DSCAM: variants seen among roughly 807,000 people sequenced by gnomAD.
The protein encoded by DSCAM is cell adhesion molecule DSCAM.
In DSCAM, 47 loss-of-function variants were observed where a neutral mutation model predicts 217.7. That is an observed-to-expected ratio of 0.22 (90% CI 0.17 to 0.28). The LOEUF (loss-of-function observed/expected upper bound fraction) is 0.28, where lower values mean the gene tolerates loss of function less well. Ranked by LOEUF, DSCAM falls within the 10% of genes least tolerant of loss-of-function variation. DSCAM has a pLI of 1.00. For synonymous variants in DSCAM, 1,056 were observed against 1,015.3 expected (o/e 1.04, Z -0.76); for missense variants, 2,080 against 2,618.3 (o/e 0.79, Z 4.49).
intron 1 of DSCAM, among the ~76,000 whole-genome samples, chr21:40,807,306 A>T (rs2091797062): frequency 6.6e-6 from 1 of 152,232 alleles, no homozygotes; most frequent in Non-Finnish European, 1.5e-5. Flanking sequence ...GGATCCACAC[A>T]TGGCTTCTCA....
chr21:40,803,051 T>A (rs948993523), intron 1 of DSCAM, among the ~76,000 whole-genome samples: 3 of 152,224 alleles, frequency 2.0e-5, no homozygotes, highest in African/African-American at 4.8e-5. Flanking sequence ...AAATCTGTTA[T>A]TCTCTTTGGA....
intron 32 of DSCAM, among the ~76,000 whole-genome samples, chr21:40,021,485 C>G (rs925256327): frequency 1.3e-5 from 2 of 152,286 alleles, no homozygotes; most frequent in Middle Eastern, 6.8e-3. Flanking sequence ...ATTTCTCATT[C>G]TTTTCTCATC....
At chr21:40,543,690 C>A (rs1429006813) in intron 3 of DSCAM, among the ~76,000 whole-genome samples, 1 of 152,072 alleles carries the variant, frequency 6.6e-6, no homozygotes, top group African/African-American at 2.4e-5. Flanking sequence ...AGTCTTCCAC[C>A]TTTACCTCTA....
At chr21:40,329,407 A>C (rs1046422006) in intron 8 of DSCAM, among the ~76,000 whole-genome samples, 1 of 152,128 alleles carries the variant, frequency 6.6e-6, no homozygotes, top group African/African-American at 2.4e-5. Flanking sequence ...CGAGGTCAAG[A>C]GATTGAGACC....
intron 1 of DSCAM, among the ~76,000 whole-genome samples, chr21:40,709,421 G>C (rs750145813): frequency 6.6e-6 from 1 of 152,116 alleles, no homozygotes. Context: ...TACACGTGCC[G>C]TGGTGGTTTG....
intron 1 of DSCAM, among the ~76,000 whole-genome samples, chr21:40,817,245 C>T (rs890327403): frequency 1.3e-4 from 20 of 152,256 alleles, no homozygotes; most frequent in Non-Finnish European, 2.2e-4. Flanking sequence ...CACTCTCCCC[C>T]GTTTGTAGTA....
intron 3 of DSCAM, among the ~76,000 whole-genome samples, chr21:40,565,361 G>A (rs879224583): frequency 6.6e-6 from 1 of 152,154 alleles, no homozygotes; most frequent in Admixed American, 6.5e-5. Context: ...CAGGGGTCAG[G>A]GTAGGTGATC....
chr21:40,276,879 A>G (rs1487308315), intron 10 of DSCAM, among the ~76,000 whole-genome samples: 1 of 152,148 alleles, frequency 6.6e-6, no homozygotes, highest in Admixed American at 6.5e-5. Context: ...CTCTCCTCAG[A>G]GTGCTTCCAT....
At chr21:40,733,696 TTTC>T (rs1166571885) in intron 1 of DSCAM, among the ~76,000 whole-genome samples, 1 of 152,096 alleles carries the variant, frequency 6.6e-6, no homozygotes, top group Non-Finnish European at 1.5e-5. Flanking sequence ...CACGCCTCCT[TTTC>T]TTCTCCCCTC....
rs1303808740 is a variant in DSCAM at position 40,338,302 on chromosome 21, T to C, written c.1582A>G (p.Ile528Val). ...TTAATGGAGTAATACGGATAGCCAATCACACGACAGTGAATGTATGTGTCC... is the reference window on the plus strand; with the variant it reads ...TTAATGGAGTAATACGGATAGCCAACCACACGACAGTGAATGTATGTGTCC... Reference protein sequence around the residue: ...GRDTYIHCRVIGYPYYSIKWY... With the variant: ...GRDTYIHCRVVGYPYYSIKWY... The change falls in exon 8 of 33, where the codon ATT becomes GTT. Residue 528 changes from isoleucine (I) to valine (V), a missense_variant. Ile to Val is a conservative substitution (Grantham distance 29). This residue lies in a region of DSCAM where 218 missense variants were observed against 364.1 expected (regional missense o/e 0.60). Coordinates refer to ENST00000400454, the MANE Select transcript of DSCAM (RefSeq NM_001389.5). The C allele has an allele frequency of 2.5e-6, 4 of 1,614,128 alleles. No individual in the cohort carries two copies. Among genetic ancestry groups the C allele is most frequent in the Non-Finnish European group, 3.4e-6 (4 of 1,180,044 alleles).
intron 3 of DSCAM, among the ~76,000 whole-genome samples, chr21:40,455,809 T>C (rs1309339526): frequency 6.6e-6 from 1 of 151,834 alleles, no homozygotes; most frequent in Non-Finnish European, 1.5e-5. Context: ...ACATGGATGA[T>C]AGATAAATAG....
intron 3 of DSCAM, among the ~76,000 whole-genome samples, chr21:40,595,327 C>G (rs1449916447): frequency 1.3e-5 from 2 of 151,222 alleles, no homozygotes; most frequent in African/African-American, 4.9e-5. Context: ...GCAGTGAGCC[C>G]TGATCACACC....
chr21:40,168,161 A>G (rs2837475), intron 15 of DSCAM, among the ~76,000 whole-genome samples: 28,463 of 152,202 alleles, frequency 0.19, 2,821 homozygotes, highest in East Asian at 0.22. Context: ...AAAGTGTGCA[A>G]TTTAAAGCAA....
chr21:40,218,394 A>G (rs2091262436), intron 11 of DSCAM, among the ~76,000 whole-genome samples: 1 of 152,194 alleles, frequency 6.6e-6, no homozygotes, highest in African/African-American at 2.4e-5. Flanking sequence ...TGGTTGCTGT[A>G]ACCCTGTAGT....
In DSCAM at chr21:40,087,252, T is replaced by C; in HGVS notation, c.3886A>G (p.Thr1296Ala). Residue 1296 changes from threonine to alanine, a missense_variant, in exon 22 of 33, where the codon ACT becomes GCT. Thr to Ala is a moderately conservative substitution (Grantham distance 58). Coordinates refer to ENST00000400454, the MANE Select transcript of DSCAM (RefSeq NM_001389.5). Reference protein sequence around the residue: ...ARILTFSGTVTTPWMKDIVLP... With the variant: ...ARILTFSGTVATPWMKDIVLP... Reference sequence around the variant, plus strand: ...ACAATGTCTTTCATCCATGGAGTAGTCACTGTCCCACTGAAGGTCAGGATT... The same window carrying C: ...ACAATGTCTTTCATCCATGGAGTAGCCACTGTCCCACTGAAGGTCAGGATT... 6.2e-7 allele frequency: 1 copy of C among 1,614,118 alleles called. No individual in the cohort carries two copies. Among genetic ancestry groups the C allele is most frequent in the East Asian group, 2.2e-5 (1 of 44,870 alleles).
At chr21:40,026,233 G>A (rs1337704057) in intron 32 of DSCAM, among the ~76,000 whole-genome samples, 1 of 141,178 alleles carries the variant, frequency 7.1e-6, no homozygotes, top group Non-Finnish European at 1.6e-5. Context: ...TGTGGTCTGA[G>A]AGACAGTTTG....
At chr21:40,366,873 T>C (rs533752227) in intron 4 of DSCAM, among the ~76,000 whole-genome samples, 1 of 152,324 alleles carries the variant, frequency 6.6e-6, no homozygotes, top group East Asian at 1.9e-4. Context: ...CACTGTTTTT[T>C]ACATTCTAAG....
chr21:40,125,818 C>T (rs2090087123), intron 19 of DSCAM, among the ~76,000 whole-genome samples: 1 of 152,172 alleles, frequency 6.6e-6, no homozygotes, highest in Non-Finnish European at 1.5e-5. Flanking sequence ...GCCAGGGTTC[C>T]TCCTGAACAA....
chr21:40,316,687 T>C (rs565692999), intron 8 of DSCAM, among the ~76,000 whole-genome samples: 10 of 152,190 alleles, frequency 6.6e-5, no homozygotes, highest in Non-Finnish European at 1.2e-4. Flanking sequence ...CGTAAATATC[T>C]GATAAAGGTC....
Sources: allele counts gnomAD v4.1 joint callset (sites outside exome capture counted in the v4.1 genomes callset), GRCh38; gene constraint gnomAD v4.1.1; regional missense constraint gnomAD v4.1.1; transcripts MANE v1.5; gene names NCBI Gene and HGNC (gene_info 2026-07-23, HGNC 2026-07-21).